Variants in TRPM2 observed in about 807,000 individuals in gnomAD.
TRPM2 encodes the protein estrogen-responsive element-associated gene 1 protein.
In TRPM2, 161 loss-of-function variants were observed where a neutral mutation model predicts 174.0. The observed-to-expected ratio is 0.93, with a 90% CI of 0.81 to 1.05. The LOEUF (loss-of-function observed/expected upper bound fraction) is 1.05. Among genes scored for constraint, TRPM2 ranks in the 50% least tolerant of loss-of-function variants. TRPM2 has a pLI of 0.00. For missense variants in TRPM2, 2,057 were observed against 2,038.0 expected, an observed-to-expected ratio of 1.01 and a Z score of -0.18; for synonymous variants, 954 against 861.3, an observed-to-expected ratio of 1.11 and a Z score of -1.88.
At chr21:44,364,733 G>C (rs1054411217) in intron 3 of TRPM2, among the ~76,000 whole-genome samples, 1 of 152,224 alleles carries the variant, frequency 6.6e-6, no homozygotes, top group African/African-American at 2.4e-5. Flanking sequence ...CATGTGGCAA[G>C]TCTGGAAGCA....
intron 16 of TRPM2, among the ~76,000 whole-genome samples, chr21:44,403,719 G>A (rs936365405): frequency 6.9e-5 from 10 of 144,442 alleles, no homozygotes; most frequent in African/African-American, 2.6e-4. Flanking sequence ...ACACACATAT[G>A]CATGGACACA....
At chr21:44,401,565 C>A in intron 15 of TRPM2, 116 bp from the exon 16 acceptor site, 2 of 1,057,440 alleles carry the variant, frequency 1.9e-6, no homozygotes, top group South Asian at 1.4e-5. Context: ...AGTGCTTTTG[C>A]CTCTAAAAGC....
chr21:44,362,006 C>T (rs892535437), intron 2 of TRPM2, among the ~76,000 whole-genome samples: 1 of 152,166 alleles, frequency 6.6e-6, no homozygotes, highest in African/African-American at 2.4e-5. Flanking sequence ...ACTGCTTACA[C>T]CATACTATTT....
chr21:44,407,040 C>A (rs1449948822), intron 19 of TRPM2, among the ~76,000 whole-genome samples: 1 of 149,686 alleles, frequency 6.7e-6, no homozygotes, highest in African/African-American at 2.5e-5. Flanking sequence ...CATCAGCTGA[C>A]AGCCCCCTGA....
intron 9 of TRPM2, among the ~76,000 whole-genome samples, chr21:44,387,002 C>CTGGTG (rs1357672039): frequency 1.3e-5 from 2 of 152,106 alleles, no homozygotes; most frequent in East Asian, 3.8e-4. Flanking sequence ...CCAGCCCAAG[C>CTGGTG]AACATGGTGA....
intron 7 of TRPM2, among the ~76,000 whole-genome samples, chr21:44,378,786 G>A (rs1206010996): frequency 6.6e-6 from 1 of 152,242 alleles, no homozygotes; most frequent in Admixed American, 6.5e-5. Flanking sequence ...TGAGGCCTGA[G>A]AGGTGCCAGG....
intron 27 of TRPM2, among the ~76,000 whole-genome samples, chr21:44,431,684 G>A (rs2051028203): frequency 6.6e-6 from 1 of 152,130 alleles, no homozygotes; most frequent in African/African-American, 2.4e-5. Context: ...CACCATGATG[G>A]TCAGCCTGGT....
In TRPM2 at chr21:44,439,602, G is replaced by T. The variant is rs2146429457; in HGVS notation, c.4269+434G>T. Among the ~76,000 whole-genome samples, 1 of 152,286 alleles carries T rather than the reference G, an allele frequency of 6.6e-6. No homozygotes were observed. Among genetic ancestry groups the T allele is most frequent in the Admixed American group, 6.5e-5 (1 of 15,308 alleles). On this transcript the variant is annotated intron_variant, in intron 30 of 31. Coordinates refer to ENST00000397928, the MANE Select transcript of TRPM2 (RefSeq NM_003307.4). The surrounding 1 kb of genome is among the most constrained non-coding windows in gnomAD (Gnocchi z 5.1). ...AGCTCTGGAGGGGCCCTTCCCACAT[G>T]CATGCCCAGCCTGGGGACCGACTGT...
At chr21:44,408,664 T>A (rs1209886586) in intron 19 of TRPM2, among the ~76,000 whole-genome samples, 2 of 149,668 alleles carry the variant, frequency 1.3e-5, no homozygotes, top group African/African-American at 4.9e-5. Context: ...CTTTTTTTTT[T>A]TTTTTTTTTT....
chr21:44,435,893 T>TCAACC (rs2051240416), intron 28 of TRPM2, among the ~76,000 whole-genome samples: 1 of 93,938 alleles, frequency 1.1e-5, no homozygotes. Context: ...AGCCCCACAC[T>TCAACC]CTCTCCTCAG....
intron 11 of TRPM2, among the ~76,000 whole-genome samples, chr21:44,392,493 G>C (rs573511581): frequency 2.6e-5 from 4 of 150,976 alleles, no homozygotes; most frequent in South Asian, 2.1e-4. Context: ...CTCAAACTCC[G>C]GGGCTCAAGT....
chr21:44,390,447 T>C (rs2053477316), intron 9 of TRPM2, among the ~76,000 whole-genome samples: 1 of 152,200 alleles, frequency 6.6e-6, no homozygotes, highest in South Asian at 2.1e-4. Flanking sequence ...AAATAACTTG[T>C]CCTGAGAACC....
intron 9 of TRPM2, among the ~76,000 whole-genome samples, chr21:44,387,077 G>A (rs910337310): frequency 2.0e-4 from 31 of 152,096 alleles, no homozygotes; most frequent in African/African-American, 7.2e-4. Context: ...TCCCAGCTGT[G>A]TGGGAGGTTG....
In TRPM2 at chr21:44,397,744, C is replaced by T; in HGVS notation, c.1933-3C>T. 1.3e-6 allele frequency: 2 copies of T among 1,569,550 alleles called. No individual in the cohort carries two copies. Among genetic ancestry groups the T allele is most frequent in the Non-Finnish European group, 1.7e-6 (2 of 1,156,148 alleles). On this transcript the variant is annotated splice_polypyrimidine_tract_variant and splice_region_variant and intron_variant, in intron 12 of 31. Coordinates refer to ENST00000397928, the MANE Select transcript of TRPM2 (RefSeq NM_003307.4). ...GTCTCACGGTGGCTCCTCTGGTCCC[C>T]AGAGCCAGGACTGCATCGCAGCGGC... is the stretch of plus-strand genomic sequence containing the variant.
chr21:44,408,655 T>C (rs1238136109), intron 19 of TRPM2, among the ~76,000 whole-genome samples: 1 of 8,762 alleles, frequency 1.1e-4, no homozygotes, highest in Non-Finnish European at 3.4e-4. Context: ...TCCTTTGCCC[T>C]TTTTTTTTTT....
chr21:44,426,114 C>T (rs1025985436), intron 25 of TRPM2, among the ~76,000 whole-genome samples: 2 of 151,890 alleles, frequency 1.3e-5, no homozygotes, highest in South Asian at 2.1e-4. Flanking sequence ...CAGGGCCCAG[C>T]CCCCCGGCCC....
chr21:44,402,602 A>G (rs1268972343), intron 16 of TRPM2, among the ~76,000 whole-genome samples: 2 of 152,196 alleles, frequency 1.3e-5, no homozygotes, highest in Non-Finnish European at 2.9e-5. Flanking sequence ...GCCCCACCCC[A>G]AATCACACTG....
At chr21:44,380,005 G>A (rs1376469820) in intron 8 of TRPM2, among the ~76,000 whole-genome samples, 2 of 152,222 alleles carry the variant, frequency 1.3e-5, no homozygotes, top group Admixed American at 1.3e-4. Context: ...GGTTCTGTGG[G>A]CAGTGGTGAC....
At chr21:44,370,855 G>T (rs997521241) in intron 5 of TRPM2, among the ~76,000 whole-genome samples, 2 of 152,304 alleles carry the variant, frequency 1.3e-5, no homozygotes, top group East Asian at 1.9e-4. Flanking sequence ...TCCTCCCCAC[G>T]CTGAGTTCAG....
Sources: gnomAD v4.1 joint callset for allele counts (sites outside exome capture counted in the v4.1 genomes callset) on GRCh38, gnomAD v4.1.1 for gene constraint, Gnocchi (gnomAD v3.1) non-coding constraint, MANE v1.5 for transcripts, NCBI Gene and HGNC (gene_info 2026-07-23, HGNC 2026-07-21) for gene names.